XKR6: variants seen among roughly 807,000 people sequenced by gnomAD.
The protein encoded by XKR6 is XK-related protein 6.
Under a neutral mutation model 56.7 loss-of-function variants are expected in XKR6, and 22 were observed. The ratio of observed to expected loss-of-function variants is 0.39; its 90% CI spans 0.28 to 0.55. XKR6 has a LOEUF of 0.55. Among genes scored for constraint, XKR6 ranks in the 20% least tolerant of loss-of-function variants. The pLI, the probability that XKR6 is intolerant of heterozygous loss-of-function variation, is 0.66. For synonymous variants in XKR6, 524 were observed against 387.8 expected (o/e 1.35, Z -4.13); for missense variants, 852 against 889.0 (o/e 0.96, Z 0.53).
At chr8:11,192,162 ATTTT>A (rs995556537) in intron 1 of XKR6, among the ~76,000 whole-genome samples, 1 of 147,324 alleles carries the variant, frequency 6.8e-6, no homozygotes, top group African/African-American at 2.5e-5. Context: ...TACAAAAAAA[ATTTT>A]TTTTTTTTGT....
intron 1 of XKR6, among the ~76,000 whole-genome samples, chr8:11,150,365 T>C (rs866134124): frequency 1.8e-4 from 28 of 152,238 alleles, no homozygotes; most frequent in Admixed American, 5.9e-4. Context: ...AAATATCATG[T>C]ATCAATTTTT....
At chr8:11,171,270 G>A (rs1220259558) in intron 1 of XKR6, among the ~76,000 whole-genome samples, 2 of 151,896 alleles carry the variant, frequency 1.3e-5, no homozygotes, top group Non-Finnish European at 2.9e-5. Context: ...GCACACCCAC[G>A]CATGTGCGAC....
chr8:11,071,303 G>C (rs537656497), intron 1 of XKR6, among the ~76,000 whole-genome samples: 1 of 152,296 alleles, frequency 6.6e-6, no homozygotes, highest in South Asian at 2.1e-4. Context: ...GCAATGGCAT[G>C]ATCTCGGCTC....
intron 1 of XKR6, among the ~76,000 whole-genome samples, chr8:10,931,573 A>G (rs922648533): frequency 6.6e-6 from 1 of 152,316 alleles, no homozygotes; most frequent in Admixed American, 6.5e-5. Flanking sequence ...GATCAGCAGA[A>G]CAGAAGAGTC....
intron 2 of XKR6, among the ~76,000 whole-genome samples, chr8:10,921,889 G>C (rs541499282): frequency 2.0e-5 from 3 of 152,240 alleles, no homozygotes; most frequent in African/African-American, 7.2e-5. Context: ...CCAAAGTTCA[G>C]ATGTTGCCAG....
At chr8:11,042,828 G>A (rs73541301) in intron 1 of XKR6, among the ~76,000 whole-genome samples, 3,622 of 152,328 alleles carry the variant, frequency 0.024, 131 homozygotes, top group African/African-American at 0.076. Context: ...CCCTTCCATG[G>A]CCCCTGCCTT....
chr8:10,939,576 G>A (rs981462663), intron 1 of XKR6, among the ~76,000 whole-genome samples: 7 of 152,230 alleles, frequency 4.6e-5, no homozygotes, highest in African/African-American at 1.7e-4. Context: ...CCCTCAAGCG[G>A]CTTATTCAGA....
Position 11,121,142 on chromosome 8 carries a change from C to A in XKR6, c.764+79434G>T, listed in dbSNP as rs565825241. 9.8e-5 allele frequency among the ~76,000 whole-genome samples: 15 copies of A among 152,292 alleles called. No individual in the cohort carries two copies. The East Asian group carries it at 2.3e-3, about 23-fold the overall frequency. On this transcript the variant is annotated intron_variant, in intron 1 of 2. Transcript: ENST00000416569. ...ATAGGCATGGGTGAGGACTTCATGT[C>A]TAAAACACCAAAAGCAATGGCAACA...
chr8:10,915,580 T>C (rs956533065), intron 2 of XKR6, among the ~76,000 whole-genome samples: 12 of 152,124 alleles, frequency 7.9e-5, no homozygotes, highest in African/African-American at 2.9e-4. Context: ...GTGCAGGGCC[T>C]CAAAATGGCA....
intron 1 of XKR6, among the ~76,000 whole-genome samples, chr8:11,162,473 AC>A (rs1285697016): frequency 6.6e-6 from 1 of 152,240 alleles, no homozygotes; most frequent in Non-Finnish European, 1.5e-5. Flanking sequence ...AAACAAAAAA[AC>A]AAACAAAAAA....
At chr8:10,912,303 G>GGT (rs1241996273) in intron 2 of XKR6, among the ~76,000 whole-genome samples, 4 of 18,056 alleles carry the variant, frequency 2.2e-4, no homozygotes, top group African/African-American at 6.4e-4. Context: ...ATAAAGAGAG[G>GGT]GTGTATATAT....
intron 1 of XKR6, among the ~76,000 whole-genome samples, chr8:11,036,638 C>A (rs17152795): frequency 0.15 from 23,007 of 152,256 alleles, 2,576 homozygotes; most frequent in African/African-American, 0.32. Context: ...AAGATCTGAA[C>A]AACACTGCTC....
chr8:11,175,048 A>G (rs951529379), intron 1 of XKR6: 5 of 152,256 alleles, frequency 3.3e-5, no homozygotes, highest in South Asian at 2.1e-4. Flanking sequence ...ATCTGTGAAA[A>G]CGGTTCACTA....
intron 1 of XKR6, among the ~76,000 whole-genome samples, chr8:11,070,074 A>G (rs1242330155): frequency 6.6e-6 from 1 of 152,156 alleles, no homozygotes; most frequent in Non-Finnish European, 1.5e-5. Flanking sequence ...CTGGCCCCAC[A>G]GTTTTGGCTT....
At chr8:11,020,733 A>G (rs967626478) in intron 1 of XKR6, among the ~76,000 whole-genome samples, 4 of 152,256 alleles carry the variant, frequency 2.6e-5, no homozygotes, top group African/African-American at 9.6e-5. Context: ...CCTTTTTCCT[A>G]ATATGAGGGT....
chr8:10,971,280 G>T (rs1207083145), intron 1 of XKR6, among the ~76,000 whole-genome samples: 3 of 151,726 alleles, frequency 2.0e-5, no homozygotes, highest in Non-Finnish European at 4.4e-5. Context: ...AATTAGCCAG[G>T]TGTGGTGGCG....
chr8:11,087,298 C>T (rs971302310), intron 1 of XKR6, among the ~76,000 whole-genome samples: 5 of 152,202 alleles, frequency 3.3e-5, no homozygotes, highest in Non-Finnish European at 5.9e-5. Context: ...TCCACATGCT[C>T]GTCTCCCTTT....
At chr8:11,181,625 TA>T (rs901755814) in intron 1 of XKR6, among the ~76,000 whole-genome samples, 2 of 152,162 alleles carry the variant, frequency 1.3e-5, no homozygotes, top group Non-Finnish European at 2.9e-5. Flanking sequence ...GAGGAATAGA[TA>T]AGGTATATAA....
intron 1 of XKR6, among the ~76,000 whole-genome samples, chr8:11,116,590 C>G (rs538649049): frequency 6.6e-6 from 1 of 152,238 alleles, no homozygotes; most frequent in East Asian, 1.9e-4. Context: ...AGGCTGGTCT[C>G]GCACTCCTGA....
Sources: allele counts gnomAD v4.1 joint callset (sites outside exome capture counted in the v4.1 genomes callset), GRCh38; gene constraint gnomAD v4.1.1; transcripts MANE v1.5; gene names NCBI Gene and HGNC (gene_info 2026-07-23, HGNC 2026-07-21).